TMEM225B: variants seen among roughly 807,000 people sequenced by gnomAD.
The protein encoded by TMEM225B is transmembrane protein 225B.
In TMEM225B, 10 loss-of-function variants were observed where a neutral mutation model predicts 16.9. The ratio of observed to expected loss-of-function variants is 0.59; its 90% CI spans 0.36 to 1.00. The LOEUF is 1.00. Ranked by LOEUF, TMEM225B falls within the 50% of genes least tolerant of loss-of-function variation. TMEM225B has a pLI of 0.01. For missense variants in TMEM225B, 217 were observed against 267.0 expected (o/e 0.81, Z 1.30); for synonymous variants, 92 against 109.8 (o/e 0.84, Z 1.01).
At chr7:99,600,670 G>A (rs1805284304) in intron 2 of TMEM225B, among the ~76,000 whole-genome samples, 3 of 152,280 alleles carry the variant, frequency 2.0e-5, no homozygotes, top group South Asian at 2.1e-4. Flanking sequence ...CACGAGAACC[G>A]TATGGGGGAA....
At chr7:99,600,158 A>G (rs1805235955) in intron 1 of TMEM225B, 47 bp from the exon 2 acceptor site, 1 of 702,362 alleles carries the variant, frequency 1.4e-6, no homozygotes, top group Non-Finnish European at 2.6e-6. Flanking sequence ...GGCTGTGAAG[A>G]CAAAAGCACT....
chr7:99,598,121 C>T (rs963832657), upstream of TMEM225B: 4 of 152,438 alleles, frequency 2.6e-5, no homozygotes, highest in Non-Finnish European at 5.9e-5. Context: ...CCTCCACCCG[C>T]CAGGTTTGCG....
intron 3 of TMEM225B, chr7:99,605,331 A>G (rs1394077113): frequency 6.6e-5 from 10 of 152,354 alleles, no homozygotes; most frequent in Non-Finnish European, 1.3e-4. Flanking sequence ...CAGTGGCGTG[A>G]TCATGGCTCA....
intron 5 of TMEM225B, among the ~76,000 whole-genome samples, chr7:99,608,734 T>C (rs536214941): frequency 0.011 from 1,232 of 113,676 alleles, 7 homozygotes; most frequent in African/African-American, 0.016. Context: ...TATATATATA[T>C]ACACACACAC....
Position 99,607,785 on chromosome 7 carries a change from C to A in TMEM225B, c.468C>A (p.Phe156Leu). ...TGTGGCCTTACTACGTGCTGGGCTT[C>A]GGCATCTTTCTGTTCATAGTGGCTG... Reference protein sequence around the residue: ...SVLWPYYVLGFGIFLFIVAGT... With the variant: ...SVLWPYYVLGLGIFLFIVAGT... Residue 156 changes from phenylalanine (F) to leucine (L), a missense_variant, in exon 5 of 6, where the codon TTC becomes TTA. Transcript: ENST00000431679. 6.5e-7 allele frequency: 1 copy of A among 1,536,074 alleles called. No homozygotes were observed. Among genetic ancestry groups the A allele is most frequent in the Non-Finnish European group, 8.7e-7 (1 of 1,146,880 alleles).
Position 99,607,044 on chromosome 7 carries a change from G to A in TMEM225B, c.355+150G>A, listed in dbSNP as rs1287557956. ...ACTCTGTTACCCAGGCTGGAGTGCA[G>A]TGGTGCTATCATAGCTCACTGCAGC... On this transcript the variant is annotated intron_variant, in intron 4 of 5. Coordinates refer to ENST00000431679, the MANE Select transcript of TMEM225B (RefSeq NM_001195541.3). 26 of 854,200 alleles carry A rather than the reference G, an allele frequency of 3.0e-5. No individual in the cohort carries two copies. In the East Asian group the frequency reaches 6.8e-4, roughly 22 times the overall value. The allele number at this position is 854,200 out of a possible 1,614,324, so 52.9% of individuals were successfully genotyped here. A position where few individuals can be genotyped will look rare whatever the true frequency, so the allele number is the denominator to read the frequency against.
At chr7:99,601,570 T>C (rs1805364781) in intron 2 of TMEM225B, among the ~76,000 whole-genome samples, 1 of 151,832 alleles carries the variant, frequency 6.6e-6, no homozygotes, top group Non-Finnish European at 1.5e-5. Context: ...AAACAAAATA[T>C]AATAAGGAAA....
At chr7:99,603,287 G>A (rs559712230) in intron 2 of TMEM225B, among the ~76,000 whole-genome samples, 1 of 152,304 alleles carries the variant, frequency 6.6e-6, no homozygotes, top group African/African-American at 2.4e-5. Flanking sequence ...CTAAGGCTCT[G>A]GTCTGAATAT....
At chr7:99,604,997 A>AAAC (rs143208811) in intron 3 of TMEM225B, among the ~76,000 whole-genome samples, 14,366 of 138,380 alleles carry the variant, frequency 0.1, 776 homozygotes, top group Non-Finnish European at 0.14. Flanking sequence ...CCCTGTCTCA[A>AAAC]AACAACAACA....
intron 2 of TMEM225B, among the ~76,000 whole-genome samples, chr7:99,603,567 C>T (rs946946976): frequency 6.6e-6 from 1 of 151,994 alleles, no homozygotes; most frequent in Non-Finnish European, 1.5e-5. Context: ...TGGCGGGCGC[C>T]TGTAATCTCA....
chr7:99,608,934 A>G (rs1387811829), intron 5 of TMEM225B, among the ~76,000 whole-genome samples: 1 of 151,338 alleles, frequency 6.6e-6, no homozygotes. Context: ...CGGGAGGCCA[A>G]GGCAGGTGGA....
chr7:99,609,923 C>T (rs1022287908), intron 5 of TMEM225B, among the ~76,000 whole-genome samples: 2 of 151,974 alleles, frequency 1.3e-5, no homozygotes, highest in African/African-American at 4.8e-5. Context: ...TTTTGGTAAA[C>T]ACGAGGTCTT....
At chr7:99,607,132 C>T (rs190946592) in intron 4 of TMEM225B, among the ~76,000 whole-genome samples, 28 of 152,108 alleles carry the variant, frequency 1.8e-4, no homozygotes, top group African/African-American at 6.8e-4. Flanking sequence ...GGACTCTAGG[C>T]ATGTGCCACC....
At chr7:99,599,839 C>A (rs1366435431) in intron 1 of TMEM225B, among the ~76,000 whole-genome samples, 1 of 152,180 alleles carries the variant, frequency 6.6e-6, no homozygotes, top group Non-Finnish European at 1.5e-5. Flanking sequence ...CTGTGGAATC[C>A]TCCACCAGTC....
chr7:99,608,547 CTT>C (rs542884054), intron 5 of TMEM225B, among the ~76,000 whole-genome samples: 104 of 128,806 alleles, frequency 8.1e-4, no homozygotes, highest in African/African-American at 3.0e-3. Flanking sequence ...CTGTCTCTAC[CTT>C]TTTTTTTTTT....
At chr7:99,601,951 G>A (rs1233902293) in intron 2 of TMEM225B, among the ~76,000 whole-genome samples, 1 of 152,366 alleles carries the variant, frequency 6.6e-6, no homozygotes, top group South Asian at 2.1e-4. Flanking sequence ...GAGCAGGGGA[G>A]GAAAGCATGC....
Position 99,607,756 on chromosome 7 carries a change from G to C in TMEM225B, c.439G>C (p.Val147Leu). The C allele has an allele frequency of 6.5e-7, 1 of 1,536,068 alleles. No individual in the cohort carries two copies. Among genetic ancestry groups the C allele is most frequent in the Non-Finnish European group, 8.7e-7 (1 of 1,146,884 alleles). Residue 147 changes from valine to leucine, a missense_variant, in exon 5 of 6, where the codon GTG (valine) becomes CTG (leucine). Physicochemically the swap from Val to Leu is conservative, Grantham distance 32 (BLOSUM62 1). Coordinates refer to ENST00000431679, the MANE Select transcript of TMEM225B (RefSeq NM_001195541.3). ...GAAGCTCGGCCCCCTGCAGTTCTCC[G>C]TGCTGTGGCCTTACTACGTGCTGGG... ...RMKLGPLQFS[V>L]LWPYYVLGFG... is the part of the protein sequence containing the mutation.
rs561745430 is a variant in TMEM225B, at chr7:99,599,975, G to A, written c.-84-230G>A. Among the ~76,000 whole-genome samples, 22 of 152,320 alleles carry A rather than the reference G, an allele frequency of 1.4e-4. No individual in the cohort carries two copies. In the East Asian group the frequency reaches 4.0e-3, roughly 28 times the overall value. On this transcript the variant is annotated intron_variant, in intron 1 of 5. Transcript: ENST00000431679. Reference sequence around the variant, plus strand: ...CGTGCGGATCTGAAGTTGTGTATCCGAAGATGTAACCTTGTCCAGTGCTGG... The same window carrying A: ...CGTGCGGATCTGAAGTTGTGTATCCAAAGATGTAACCTTGTCCAGTGCTGG...
In TMEM225B at chr7:99,609,180, C is replaced by CA. The variant is rs553377201; in HGVS notation, c.494-1207dup. Among the ~76,000 whole-genome samples the CA allele has an allele frequency of 2.6e-5, 4 of 151,992 alleles. No individual in the cohort carries two copies. In the South Asian group the frequency reaches 6.3e-4, roughly 24 times the overall value. On this transcript the variant is annotated intron_variant, in intron 5 of 5. Transcript: ENST00000431679. ...ACTCCATCTCAAAAAAACAAACAAA[C>CA]AAAAAACCACATATTTAAGCTTTTA...
Sources: gnomAD v4.1 joint callset for allele counts (sites outside exome capture counted in the v4.1 genomes callset) on GRCh38, gnomAD v4.1.1 for gene constraint, MANE v1.5 for transcripts, NCBI Gene and HGNC (gene_info 2026-07-23, HGNC 2026-07-21) for gene names.